KIAA0513: variants seen among roughly 807,000 people sequenced by gnomAD.
The protein encoded by KIAA0513 is uncharacterized protein KIAA0513.
A neutral mutation model predicts 56.5 loss-of-function variants in KIAA0513; 39 were observed. The observed-to-expected ratio is 0.69, with a 90% CI of 0.53 to 0.90. KIAA0513 has a LOEUF of 0.90. KIAA0513 is among the 40% of genes least tolerant of loss of function. The pLI, the probability that KIAA0513 is intolerant of heterozygous loss-of-function variation, is 0.00. For missense variants in KIAA0513, 591 were observed against 535.2 expected (o/e 1.10, Z -1.03); for synonymous variants, 268 against 215.6 (o/e 1.24, Z -2.13).
At chr16:85,079,163 G>T (rs2073705466) in intron 8 of KIAA0513, 160 bp downstream of exon 8, 2 of 1,433,498 alleles carry the variant, frequency 1.4e-6, no homozygotes, top group Admixed American at 4.8e-5. Flanking sequence ...AGGCGTTGGT[G>T]AGGATGTGGA....
intron 1 of KIAA0513, among the ~76,000 whole-genome samples, chr16:85,047,510 C>T (rs993050438): frequency 6.6e-6 from 1 of 152,186 alleles, no homozygotes; most frequent in East Asian, 1.9e-4. Flanking sequence ...AGAAAAAAAG[C>T]CAGCGGGTTT....
In KIAA0513 at chr16:85,093,204, T is replaced by TG. The variant is rs1190539229; in HGVS notation, c.*4883dup. The TG allele has an allele frequency of 8.4e-6, 1 of 118,744 alleles. No individual in the cohort carries two copies. The highest frequency in any genetic ancestry group is 1.6e-5 in the Non-Finnish European group (1 of 61,286). 7.4% of individuals were successfully genotyped at this position (118,744 alleles called of 1,614,324 possible). ...GCGCGGCGCTGCCTGTAGCTGTGCC[T>TG]GGGGATGCACGTGGCCACGGGATTT... On this transcript the variant is annotated 3_prime_UTR_variant, in exon 13 of 13. Coordinates refer to ENST00000683363, the MANE Select transcript of KIAA0513 (RefSeq NM_001388359.1).
chr16:85,064,004 A>C (rs191915612), intron 1 of KIAA0513, among the ~76,000 whole-genome samples: 2,441 of 108,064 alleles, frequency 0.023, 38 homozygotes, highest in East Asian at 0.073. Context: ...TTATTTATTT[A>C]CTTTTTTTTT....
intron 10 of KIAA0513, 92 bp downstream of exon 10, chr16:85,082,685 C>A: frequency 7.5e-7 from 1 of 1,331,800 alleles, no homozygotes; most frequent in Non-Finnish European, 1.1e-6. Flanking sequence ...TGCTGAGCTG[C>A]TGCAGCAGGC....
chr16:85,075,732 G>A lies in KIAA0513; in HGVS notation c.504-112G>A, dbSNP rs2073646670. The A allele has an allele frequency of 1.9e-5, 16 of 863,838 alleles. No homozygotes were observed. The South Asian group carries it at 2.3e-4, about 12-fold the overall frequency. 53.5% of individuals were successfully genotyped at this position (863,838 alleles called of 1,614,324 possible). A position where few individuals can be genotyped will look rare whatever the true frequency, so the allele number is the denominator to read the frequency against. ...GAGATTGTTTTGTGCATCTCCAGTG[G>A]GGAAGATATTAATTGGGACGCATGT... is the stretch of plus-strand genomic sequence containing the variant. On this transcript the variant is annotated intron_variant, in intron 4 of 12. Coordinates refer to ENST00000683363, the MANE Select transcript of KIAA0513 (RefSeq NM_001388359.1).
At chr16:85,037,606 A>T (rs1434067743) in intron 1 of KIAA0513, among the ~76,000 whole-genome samples, 1 of 152,228 alleles carries the variant, frequency 6.6e-6, no homozygotes, top group Non-Finnish European at 1.5e-5. Context: ...TTAACCAAGT[A>T]AAACTAGTCT....
chr16:85,078,586 A>C, intron 7 of KIAA0513, 131 bp downstream of exon 7: 1 of 826,256 alleles, frequency 1.2e-6, no homozygotes, highest in South Asian at 1.6e-5. Flanking sequence ...GTGATGCCCC[A>C]GTTGCTTCCC....
At chr16:85,042,881 G>A (rs1186960209) in intron 1 of KIAA0513, among the ~76,000 whole-genome samples, 1 of 152,176 alleles carries the variant, frequency 6.6e-6, no homozygotes, top group African/African-American at 2.4e-5. Flanking sequence ...TCCCCGAGAG[G>A]GAGGAGCAGA....
intron 1 of KIAA0513, among the ~76,000 whole-genome samples, chr16:85,039,921 G>T (rs562428961): frequency 1.3e-4 from 20 of 150,830 alleles, no homozygotes; most frequent in African/African-American, 4.9e-4. Context: ...TACACCCTCC[G>T]CCTCCCAGGT....
At chr16:85,035,915 C>T (rs2073029801) in intron 1 of KIAA0513, among the ~76,000 whole-genome samples, 1 of 148,534 alleles carries the variant, frequency 6.7e-6, no homozygotes, top group Admixed American at 6.9e-5. Flanking sequence ...GGAGGCAGAG[C>T]TTGCAGTGAG....
At chr16:85,062,992 C>T (rs1051432426) in intron 1 of KIAA0513, among the ~76,000 whole-genome samples, 5 of 146,816 alleles carry the variant, frequency 3.4e-5, no homozygotes, top group African/African-American at 1.2e-4. Context: ...TGTGAGCGAG[C>T]CCCAGACAGC....
In KIAA0513 at chr16:85,067,262, C is replaced by G. The variant is rs992917816; in HGVS notation, c.191C>G (p.Pro64Arg). The G allele has an allele frequency of 6.2e-7, 1 of 1,614,078 alleles. No homozygotes were observed. Among genetic ancestry groups the G allele is most frequent in the Middle Eastern group, 1.6e-4 (1 of 6,062 alleles). ...GACATGGGCGAGTCGCCCTCGCACC[C>G]GTCCTGGGACCAAGACCGCCGTTCC... ...ENDMGESPSH[P>R]SWDQDRRSSS... Residue 64 changes from proline (P) to arginine (R), a missense_variant, in exon 2 of 13, where the codon CCG (proline) becomes CGG (arginine). Pro to Arg is a moderately radical substitution (Grantham distance 103). Coordinates refer to ENST00000683363, the MANE Select transcript of KIAA0513 (RefSeq NM_001388359.1).
At chr16:85,086,483 G>T (rs1436373383) in intron 10 of KIAA0513, among the ~76,000 whole-genome samples, 161 bp from the exon 11 acceptor site, 1 of 152,238 alleles carries the variant, frequency 6.6e-6, no homozygotes, top group Non-Finnish European at 1.5e-5. Context: ...AGGCCTTGTG[G>T]AAGGCCCAGC....
Position 85,089,020 on chromosome 16 carries a change from T to G in KIAA0513, c.*695T>G, listed in dbSNP as rs1283748393. 1 of 152,280 alleles carries G rather than the reference T, an allele frequency of 6.6e-6. No homozygotes were observed. The highest frequency in any genetic ancestry group is 1.5e-5 in the Non-Finnish European group (1 of 68,118). The allele number at this position is 152,280 out of a possible 1,614,324, so 9.4% of individuals were successfully genotyped here. ...GCCTGCAGACGGCCCGGGAGCTGTG[T>G]GTCTCCGCCAGAGTCACAGCAGTGC... On this transcript the variant is annotated 3_prime_UTR_variant, in exon 13 of 13. Coordinates refer to ENST00000683363, the MANE Select transcript of KIAA0513 (RefSeq NM_001388359.1). This position sits in a 1 kb window ranked among gnomAD's most constrained non-coding sequence, Gnocchi z 4.2.
intron 4 of KIAA0513, among the ~76,000 whole-genome samples, chr16:85,073,962 G>GTTTTGTTTTTGT (rs56301630): frequency 4.2e-4 from 63 of 150,682 alleles, no homozygotes; most frequent in South Asian, 1.5e-3. Flanking sequence ...TTTTTGTTTT[G>GTTTTGTTTTTGT]TTTTGTTTTT....
intron 1 of KIAA0513, among the ~76,000 whole-genome samples, chr16:85,055,998 G>A (rs2073323578): frequency 6.6e-6 from 1 of 152,228 alleles, no homozygotes; most frequent in African/African-American, 2.4e-5. Flanking sequence ...GGCCTTGCCA[G>A]TGCTGCAGCT....
At chr16:85,057,312 A>G (rs1234073314) in intron 1 of KIAA0513, among the ~76,000 whole-genome samples, 1 of 152,200 alleles carries the variant, frequency 6.6e-6, no homozygotes, top group African/African-American at 2.4e-5. Flanking sequence ...TTCAGTTACA[A>G]AATAAATCAG....
chr16:85,067,258 C>T lies in KIAA0513; in HGVS notation c.187C>T (p.His63Tyr), dbSNP rs2073498896. The T allele has an allele frequency of 6.2e-7, 1 of 1,613,986 alleles. No homozygotes were observed. The highest frequency in any genetic ancestry group is 8.5e-7 in the Non-Finnish European group (1 of 1,180,016). ...GAATGACATGGGCGAGTCGCCCTCGCACCCGTCCTGGGACCAAGACCGCCG... is the reference window on the plus strand; with the variant it reads ...GAATGACATGGGCGAGTCGCCCTCGTACCCGTCCTGGGACCAAGACCGCCG... ...SENDMGESPS[H>Y]PSWDQDRRSS... Residue 63 changes from histidine (H) to tyrosine (Y), a missense_variant, in exon 2 of 13, where the codon CAC (histidine) becomes TAC (tyrosine). Physicochemically the swap from His to Tyr is moderately conservative, Grantham distance 83. Coordinates refer to ENST00000683363, the MANE Select transcript of KIAA0513 (RefSeq NM_001388359.1).
At position 85,077,453 on chromosome 16, in the gene KIAA0513, C is replaced by G. The variant is rs1401050439; in HGVS notation, c.603C>G (p.Ser201=). The change falls in exon 6 of 13, where the codon TCC becomes TCG. Residue 201 remains serine, a synonymous_variant. Transcript: ENST00000683363. ...AACCACAGCTGCTGCCCCCGGAGTCCCGGGAGAAGCCCGCGGGCAGCATCG... is the reference window on the plus strand; with the variant it reads ...AACCACAGCTGCTGCCCCCGGAGTCGCGGGAGAAGCCCGCGGGCAGCATCG... ...IGKPQLLPPE[S]REKPAGSIDS... The G allele has an allele frequency of 6.2e-7, 1 of 1,614,172 alleles. No homozygotes were observed. Among genetic ancestry groups the G allele is most frequent in the Admixed American group, 1.7e-5 (1 of 60,016 alleles).
Sources: allele counts gnomAD v4.1 joint callset (sites outside exome capture counted in the v4.1 genomes callset), GRCh38; gene constraint gnomAD v4.1.1; non-coding constraint Gnocchi (gnomAD v3.1); transcripts MANE v1.5; gene names NCBI Gene and HGNC (gene_info 2026-07-23, HGNC 2026-07-21).